The following S100A13 variants were observed in gnomAD, a reference collection of about 807,000 sequenced individuals.
S100A13 encodes the protein protein S100-A13.
S100A13 carries 6 observed loss-of-function variants against 8.2 expected under a neutral mutation model. That is an observed-to-expected ratio of 0.73 (90% confidence interval 0.40 to 1.44). The LOEUF is 1.44. S100A13 is among the 40% of genes most tolerant of loss of function. The pLI is 0.02. For missense variants in S100A13, 114 were observed against 113.6 expected, an observed-to-expected ratio of 1.00 and a Z score of -0.02; for synonymous variants, 39 against 45.9, an observed-to-expected ratio of 0.85 and a Z score of 0.61.
chr1:153,630,809 G>T, upstream of S100A13: 1 of 1,082,684 alleles, frequency 9.2e-7, no homozygotes, highest in Non-Finnish European at 1.3e-6. Flanking sequence ...GTTTTTCCAG[G>T]CTCCCCTACT....
upstream of S100A13, among the ~76,000 whole-genome samples, chr1:153,633,308 G>A (rs540441745): frequency 3.0e-4 from 45 of 152,176 alleles, no homozygotes; most frequent in African/African-American, 1.1e-3. Flanking sequence ...GATTCATTGC[G>A]CCACTGACTC....
At chr1:153,628,292 T>C, upstream of S100A13, 3 of 1,515,274 alleles carry the variant, frequency 2.0e-6, no homozygotes, top group Non-Finnish European at 1.8e-6. Flanking sequence ...GGGCCGCCTG[T>C]TCCAGCCCAG....
intron 2 of S100A13, among the ~76,000 whole-genome samples, chr1:153,620,248 T>C (rs897807215): frequency 1.6e-4 from 24 of 151,724 alleles, no homozygotes; most frequent in African/African-American, 2.2e-4. Flanking sequence ...GATCGCGCCA[T>C]TGCACTCCAG....
At chr1:153,624,346 CA>C (rs1385017707) in intron 2 of S100A13, among the ~76,000 whole-genome samples, 3 of 151,950 alleles carry the variant, frequency 2.0e-5, no homozygotes, top group African/African-American at 4.8e-5. Flanking sequence ...CTGAGAATAA[CA>C]ACAGAAGCAG....
chr1:153,621,733 C>T (rs1055457056), intron 2 of S100A13, among the ~76,000 whole-genome samples: 1 of 150,362 alleles, frequency 6.7e-6, no homozygotes, highest in Non-Finnish European at 1.5e-5. Flanking sequence ...ACTAAAAATG[C>T]AAAAATCAGC....
At chr1:153,630,441 T>A, upstream of S100A13, 1 of 1,562,470 alleles carries the variant, frequency 6.4e-7, no homozygotes, top group South Asian at 1.2e-5. Context: ...TCCTGAGGGT[T>A]CCCCTCACCT....
At chr1:153,623,435 G>T (rs1667408245) in intron 2 of S100A13, among the ~76,000 whole-genome samples, 1 of 151,814 alleles carries the variant, frequency 6.6e-6, no homozygotes, top group Non-Finnish European at 1.5e-5. Flanking sequence ...GCCCAGGCTG[G>T]AGTGCAGTGG....
upstream of S100A13, among the ~76,000 whole-genome samples, chr1:153,633,363 C>A (rs548133892): frequency 6.6e-5 from 10 of 151,968 alleles, no homozygotes; most frequent in Non-Finnish European, 1.5e-4. Context: ...ATAACAACAA[C>A]AAATCAGAGA....
Position 153,626,394 on chromosome 1 carries a change from C to T in S100A13, c.79G>A (p.Glu27Lys). ...ACGCTGAGGCTATCCTTCCGGCCCT[C>T]CTGCCTTGCAAAGGTGAAGAAGGTG... is the stretch of plus-strand genomic sequence containing the variant. ...VTTFFTFARQ[E>K]GRKDSLSVNE... is the part of the protein sequence containing the mutation. Residue 27 changes from glutamate to lysine, a missense_variant, in exon 2 of 3, where the codon GAG becomes AAG. Glu to Lys is a moderately conservative substitution (Grantham distance 56). Coordinates refer to ENST00000476133, the MANE Select transcript of S100A13 (RefSeq NM_001024211.2). 6.2e-7 allele frequency: 1 copy of T among 1,614,214 alleles called. No homozygotes were observed. The highest frequency in any genetic ancestry group is 8.5e-7 in the Non-Finnish European group (1 of 1,180,040).
At chr1:153,631,848 A>G, upstream of S100A13, 2 of 1,613,372 alleles carry the variant, frequency 1.2e-6, no homozygotes, top group South Asian at 2.2e-5. Context: ...TTGAGCAGAC[A>G]GCCACATTGG....
At chr1:153,630,897 T>C, upstream of S100A13, 1 of 520,518 alleles carries the variant, frequency 1.9e-6, no homozygotes, top group Non-Finnish European at 3.4e-6. Flanking sequence ...TCATCAATAA[T>C]AAGACACACA....
chr1:153,627,973 G>A, upstream of S100A13: 2 of 1,487,870 alleles, frequency 1.3e-6, no homozygotes, highest in East Asian at 2.5e-5. Context: ...GGGGATCCAG[G>A]TTGAGACCCC....
rs190790429 is a variant in S100A13, at chr1:153,622,259, A to C, written c.154-3221T>G. On this transcript the variant is annotated intron_variant, in intron 2 of 2. Coordinates refer to ENST00000476133, the MANE Select transcript of S100A13 (RefSeq NM_001024211.2). ...GTGGCACAAGCCTGTAGTCCCAGCT[A>C]CTCAGGGAGGCTGAGCCAGGAAAAT... 7.0e-4 allele frequency among the ~76,000 whole-genome samples: 107 copies of C among 152,168 alleles called. 1 individual carries two copies. Among genetic ancestry groups the C allele is most frequent in the African/African-American group, 2.5e-3 (105 of 41,536 alleles).
rs970122614 is a variant in S100A13, at chr1:153,619,121, T to C, written c.154-83A>G. ...GGAGGGAAGAACTGTCAGCTGCTAT[T>C]CTCTCAAGGCCCTTCCCTCAGAGAG... On this transcript the variant is annotated intron_variant, in intron 2 of 2. Coordinates refer to ENST00000476133, the MANE Select transcript of S100A13 (RefSeq NM_001024211.2). 3 of 1,283,234 alleles carry C rather than the reference T, an allele frequency of 2.3e-6. No individual in the cohort carries two copies. In the African/African-American group the frequency reaches 4.4e-5, roughly 19 times the overall value. 79.5% of individuals were successfully genotyped at this position (1,283,234 alleles called of 1,614,324 possible).
chr1:153,631,733 G>A (rs896249158), upstream of S100A13: 2 of 1,614,254 alleles, frequency 1.2e-6, no homozygotes, highest in Non-Finnish European at 8.5e-7. Flanking sequence ...ACAAGGTGAT[G>A]AAGGAGCTAG....
upstream of S100A13, chr1:153,630,599 G>A (rs771796783): frequency 3.7e-6 from 6 of 1,614,278 alleles, no homozygotes; most frequent in Non-Finnish European, 3.4e-6. Flanking sequence ...AGGGGGACAA[G>A]TACAAGCTGA....
chr1:153,631,495 A>G (rs2101643666), upstream of S100A13: 2 of 1,609,420 alleles, frequency 1.2e-6, no homozygotes, highest in Non-Finnish European at 1.7e-6. Flanking sequence ...TGGTGTCATT[A>G]TTATTCATTC....
intron 2 of S100A13, among the ~76,000 whole-genome samples, chr1:153,621,814 C>T (rs886644799): frequency 1.5e-4 from 22 of 151,512 alleles, no homozygotes; most frequent in African/African-American, 5.3e-4. Context: ...GCCGAGATCA[C>T]ACCACTGCAC....
upstream of S100A13, chr1:153,634,172 C>G (rs768018088): frequency 1.3e-5 from 2 of 152,832 alleles, no homozygotes; most frequent in African/African-American, 2.4e-5. Flanking sequence ...GACTAGACAG[C>G]CAACCAGCAA....
Sources: gnomAD v4.1 joint callset for allele counts (sites outside exome capture counted in the v4.1 genomes callset) on GRCh38, gnomAD v4.1.1 for gene constraint, MANE v1.5 for transcripts, NCBI Gene and HGNC (gene_info 2026-07-23, HGNC 2026-07-21) for gene names.